DLC1: variants seen among roughly 807,000 people sequenced by gnomAD.
DLC1 encodes rho GTPase-activating protein 7.
DLC1 carries 54 observed loss-of-function variants against 140.3 expected under a neutral mutation model. The ratio of observed to expected loss-of-function variants is 0.38; its 90% CI spans 0.31 to 0.48. DLC1 has a LOEUF of 0.48. DLC1 is among the 20% of genes least tolerant of loss of function. The pLI, the probability that DLC1 is intolerant of heterozygous loss-of-function variation, is 0.96. For synonymous variants in DLC1, 986 were observed against 728.1 expected (o/e 1.35, Z -5.70); for missense variants, 2,536 against 1,907.0 (o/e 1.33, Z -6.14).
At chr8:13,438,659 C>T (rs374150988) in intron 2 of DLC1, among the ~76,000 whole-genome samples, 30 of 152,230 alleles carry the variant, frequency 2.0e-4, no homozygotes, top group African/African-American at 7.0e-4. Context: ...ACATTGAGTC[C>T]TTCTGCCGAG....
intron 4 of DLC1, among the ~76,000 whole-genome samples, chr8:13,306,353 T>C (rs1424873707): frequency 6.6e-6 from 1 of 152,206 alleles, no homozygotes; most frequent in African/African-American, 2.4e-5. Context: ...GTTGACTTTC[T>C]GGTTCTCATT....
At chr8:13,329,126 A>C (rs1014431334) in intron 4 of DLC1, among the ~76,000 whole-genome samples, 1 of 152,170 alleles carries the variant, frequency 6.6e-6, no homozygotes, top group South Asian at 2.1e-4. Context: ...TGGGAAAAAG[A>C]TGAAGAATCG....
chr8:13,194,852 A>G (rs989508585), intron 5 of DLC1, among the ~76,000 whole-genome samples: 5 of 152,102 alleles, frequency 3.3e-5, no homozygotes, highest in Non-Finnish European at 7.4e-5. Flanking sequence ...TTACAAAAAT[A>G]TAGGAAAATT....
rs114411467 is a variant in DLC1, at chr8:13,176,259, G to C, written c.1349-60602C>G. Among the ~76,000 whole-genome samples, 1,089 of 152,244 alleles carry C rather than the reference G, an allele frequency of 7.2e-3. 10 individuals carry two copies. Among genetic ancestry groups the C allele is most frequent in the African/African-American group, 0.025 (1,024 of 41,510 alleles). On this transcript the variant is annotated intron_variant, in intron 5 of 17. Coordinates refer to ENST00000276297, the MANE Select transcript of DLC1 (RefSeq NM_182643.3). Reference sequence around the variant, plus strand: ...AAATAAGTGATTTAAATTCTTGATAGAGGGATGAAAACTGCCTTCTAATAA... The same window carrying C: ...AAATAAGTGATTTAAATTCTTGATACAGGGATGAAAACTGCCTTCTAATAA...
chr8:13,356,497 GA>G (rs1269945031), intron 4 of DLC1, among the ~76,000 whole-genome samples: 7 of 152,204 alleles, frequency 4.6e-5, no homozygotes, highest in Non-Finnish European at 1.0e-4. Flanking sequence ...GGTCCCACCT[GA>G]AGCCTATGTA....
chr8:13,083,918 T>A lies in DLC1; in HGVS notation c.*1893A>T, dbSNP rs1817347279. On this transcript the variant is annotated 3_prime_UTR_variant, in exon 18 of 18. Transcript: ENST00000276297. ...ATATTAAGGAAGGCAGCCCAGACTT[T>A]TCCCTTACTTTAAACATTTAATAAT... is the stretch of plus-strand genomic sequence containing the variant. The A allele has an allele frequency of 6.6e-6, 1 of 152,666 alleles. No individual in the cohort carries two copies. Among genetic ancestry groups the A allele is most frequent in the African/African-American group, 2.4e-5 (1 of 41,470 alleles). The allele number at this position is 152,666 out of a possible 1,614,324, so 9.5% of individuals were successfully genotyped here. A position where few individuals can be genotyped will look rare whatever the true frequency, so the allele number is the denominator to read the frequency against.
At chr8:13,546,756 C>T (rs1171213051) in intron 1 of DLC1, among the ~76,000 whole-genome samples, 1 of 152,108 alleles carries the variant, frequency 6.6e-6, no homozygotes, top group Non-Finnish European at 1.5e-5. Context: ...TGGCTCTAAG[C>T]ATTCTGGAAT....
intron 8 of DLC1, 133 bp from the exon 9 acceptor site, chr8:13,100,903 A>ATT: frequency 4.3e-4 from 327 of 761,920 alleles, no homozygotes; most frequent in Non-Finnish European, 5.3e-4. Context: ...TTAATTTTAA[A>ATT]GTTTTTTTTT....
chr8:13,287,356 G>C (rs907274621), intron 5 of DLC1, among the ~76,000 whole-genome samples: 4 of 151,984 alleles, frequency 2.6e-5, no homozygotes, highest in Admixed American at 6.6e-5. Context: ...AAAATCTTTG[G>C]CTTCTATTTT....
Position 13,430,733 on chromosome 8 carries a change from C to T in DLC1, c.1024-29114G>A, listed in dbSNP as rs1477929259. On this transcript the variant is annotated intron_variant, in intron 2 of 17. Transcript: ENST00000276297. ...CAATGGGAAGGCTGAAAAGAATCAA[C>T]ATTTATTTCTTGGTTAAAATTCTAA... Among the ~76,000 whole-genome samples, 4 of 152,106 alleles carry T rather than the reference C, an allele frequency of 2.6e-5. No homozygotes were observed. In the South Asian group the frequency reaches 6.2e-4, roughly 24 times the overall value.
At chr8:13,581,937 C>A (rs950210944) in intron 1 of DLC1, among the ~76,000 whole-genome samples, 3 of 152,094 alleles carry the variant, frequency 2.0e-5, no homozygotes, top group Non-Finnish European at 4.4e-5. Flanking sequence ...AAATTTAATG[C>A]ATTTAAAAAA....
chr8:13,148,538 G>A (rs761311605), intron 5 of DLC1, among the ~76,000 whole-genome samples: 5 of 152,178 alleles, frequency 3.3e-5, no homozygotes, highest in Admixed American at 6.5e-5. Context: ...CAGCTATGCA[G>A]GGCCTGTAAG....
chr8:13,397,164 G>C (rs1005430919), intron 3 of DLC1, among the ~76,000 whole-genome samples: 3 of 152,094 alleles, frequency 2.0e-5, no homozygotes, highest in African/African-American at 4.8e-5. Flanking sequence ...TGATCCATTG[G>C]TTGTTCTGAT....
intron 1 of DLC1, chr8:13,584,479 T>A (rs568170067): frequency 6.6e-6 from 1 of 152,362 alleles, no homozygotes; most frequent in East Asian, 1.9e-4. Flanking sequence ...TGACCACATT[T>A]TGTAATTGTC....
At chr8:13,516,824 G>A (rs540136989), upstream of DLC1, among the ~76,000 whole-genome samples, 1 of 152,152 alleles carries the variant, frequency 6.6e-6, no homozygotes, top group Non-Finnish European at 1.5e-5. Context: ...GTATTCATAT[G>A]TTTTATTTTA....
At chr8:13,460,275 C>T (rs1323641737) in intron 2 of DLC1, among the ~76,000 whole-genome samples, 2 of 152,194 alleles carry the variant, frequency 1.3e-5, no homozygotes, top group African/African-American at 2.4e-5. Context: ...CTATGTTTCT[C>T]CTCTGCATAC....
chr8:13,521,224 G>T (rs1554537370), intron 1 of DLC1, among the ~76,000 whole-genome samples: 1 of 152,002 alleles, frequency 6.6e-6, no homozygotes. Context: ...ACACAGGGAG[G>T]GGAACATCAC....
intron 2 of DLC1, among the ~76,000 whole-genome samples, chr8:13,453,469 TACATATATATGTATATATATAC>T (rs1585134413): frequency 1.5e-4 from 4 of 26,520 alleles, no homozygotes; most frequent in African/African-American, 8.0e-4. Context: ...TGTATATATA[TACATATATATGTATATATATAC>T]ATATATATAT....
intron 5 of DLC1, among the ~76,000 whole-genome samples, chr8:13,220,430 T>G (rs914883668): frequency 4.6e-5 from 7 of 152,174 alleles, no homozygotes; most frequent in Non-Finnish European, 7.4e-5. Context: ...CTCTTTAGAG[T>G]CTACAAATTT....
Sources: allele counts gnomAD v4.1 joint callset (sites outside exome capture counted in the v4.1 genomes callset), GRCh38; gene constraint gnomAD v4.1.1; transcripts MANE v1.5; gene names NCBI Gene and HGNC (gene_info 2026-07-23, HGNC 2026-07-21).